Variants in XPA observed in about 807,000 individuals in gnomAD.
XPA encodes DNA repair protein complementing XP-A cells.
A neutral mutation model predicts 35.7 loss-of-function variants in XPA; 27 were observed. The observed-to-expected ratio is 0.76, with a 90% confidence interval of 0.56 to 1.04. The LOEUF is 1.04. Ranked by LOEUF, XPA falls within the 50% of genes least tolerant of loss-of-function variation. The pLI is 0.00. For synonymous variants in XPA, 133 were observed against 118.4 expected, an observed-to-expected ratio of 1.12 and a Z score of -0.80; for missense variants, 354 against 342.7, an observed-to-expected ratio of 1.03 and a Z score of -0.26.
intron 2 of XPA, among the ~76,000 whole-genome samples, chr9:97,692,715 C>T (rs959200692): frequency 1.2e-4 from 19 of 152,200 alleles, no homozygotes; most frequent in African/African-American, 3.9e-4. Flanking sequence ...CTCCCTTTTA[C>T]ATTTACCACT....
chr9:97,675,608 T>G, intron 5 of XPA, 21 bp from the exon 6 acceptor site: 1 of 1,613,872 alleles, frequency 6.2e-7, no homozygotes, highest in Non-Finnish European at 8.5e-7. Context: ...AATTTTAAAG[T>G]CATCTTTTCA....
At chr9:97,669,188 G>C in the XPA span, among the ~76,000 whole-genome samples, 1 of 151,928 alleles carries the variant, frequency 6.6e-6, no homozygotes, top group African/African-American at 2.4e-5. Flanking sequence ...ATTCTCGCAT[G>C]AGCATTTCTC....
the XPA span, chr9:97,655,609 G>A: frequency 2.3e-5 from 22 of 947,356 alleles, 1 homozygote; most frequent in South Asian, 3.5e-5. Flanking sequence ...CTGTAAAGTC[G>A]GGTTTTATCT....
chr9:97,668,508 A>G, the XPA span, among the ~76,000 whole-genome samples: 1 of 152,188 alleles, frequency 6.6e-6, no homozygotes, highest in Non-Finnish European at 1.5e-5. Context: ...CCATTAGCAG[A>G]TGAATGATTA....
the XPA span, among the ~76,000 whole-genome samples, chr9:97,660,766 C>T: frequency 6.6e-6 from 1 of 152,058 alleles, no homozygotes; most frequent in African/African-American, 2.4e-5. Context: ...AACCATTAAC[C>T]TATTAGAAAA....
At chr9:97,666,187 C>T in the XPA span, among the ~76,000 whole-genome samples, 1 of 152,136 alleles carries the variant, frequency 6.6e-6, no homozygotes, top group Admixed American at 6.5e-5. Context: ...ACAAACATTT[C>T]AAAGCACCTA....
the XPA span, chr9:97,664,327 T>C: frequency 6.5e-7 from 1 of 1,531,542 alleles, no homozygotes; most frequent in East Asian, 2.3e-5. Flanking sequence ...CTTGAATAAT[T>C]CTCTCATTGT....
chr9:97,668,128 C>A, the XPA span, among the ~76,000 whole-genome samples: 1 of 152,144 alleles, frequency 6.6e-6, no homozygotes, highest in Non-Finnish European at 1.5e-5. Context: ...TTCAGTGATG[C>A]CACCTTCTTG....
chr9:97,670,048 A>AAG, downstream of XPA: 14 of 360,810 alleles, frequency 3.9e-5, no homozygotes, highest in Non-Finnish European at 5.4e-5. Context: ...TCAGCCTCCC[A>AAG]TATTGCTGGG....
intron 5 of XPA, among the ~76,000 whole-genome samples, chr9:97,676,568 A>G (rs1335595948): frequency 6.6e-6 from 1 of 152,086 alleles, no homozygotes; most frequent in African/African-American, 2.4e-5. Context: ...TTTTAGATCT[A>G]TAAGTAGTAT....
At chr9:97,663,230 GCATT>G in the XPA span, among the ~76,000 whole-genome samples, 2 of 152,112 alleles carry the variant, frequency 1.3e-5, no homozygotes, top group Admixed American at 6.6e-5. Context: ...GAAAGAGTAA[GCATT>G]ATTATGATTT....
the XPA span, among the ~76,000 whole-genome samples, chr9:97,665,968 C>T: frequency 2.0e-5 from 3 of 152,138 alleles, no homozygotes; most frequent in Admixed American, 6.5e-5. Context: ...AGGTCATCTT[C>T]ATTATCTTCA....
the XPA span, among the ~76,000 whole-genome samples, chr9:97,658,310 T>G: frequency 9.2e-5 from 14 of 152,226 alleles, no homozygotes; most frequent in Non-Finnish European, 1.6e-4. Context: ...GCTTCCATTA[T>G]CCTCAATATT....
chr9:97,658,306 A>G, the XPA span, among the ~76,000 whole-genome samples: 127 of 152,270 alleles, frequency 8.3e-4, no homozygotes, highest in African/African-American at 2.8e-3. Context: ...CTTGGCTTCC[A>G]TTATCCTCAA....
the XPA span, among the ~76,000 whole-genome samples, chr9:97,660,789 C>T: frequency 1.4e-4 from 21 of 152,110 alleles, no homozygotes; most frequent in Non-Finnish European, 2.2e-4. Context: ...CTTTCACATA[C>T]GGTATTTATA....
At chr9:97,659,464 T>C in the XPA span, among the ~76,000 whole-genome samples, 1 of 152,356 alleles carries the variant, frequency 6.6e-6, no homozygotes, top group Non-Finnish European at 1.5e-5. Flanking sequence ...CCTGTTTTCC[T>C]TGAAATGAAC....
downstream of XPA, chr9:97,672,965 A>G (rs1187722291): frequency 6.6e-6 from 1 of 152,280 alleles, no homozygotes; most frequent in East Asian, 1.9e-4. Flanking sequence ...TGTCTCTACT[A>G]AAAACACAAA....
the XPA span, among the ~76,000 whole-genome samples, chr9:97,665,093 T>C: frequency 6.6e-6 from 1 of 152,228 alleles, no homozygotes; most frequent in Non-Finnish European, 1.5e-5. Context: ...AGCAAATTAC[T>C]TGTAAAAACA....
At chr9:97,680,109 A>G (rs1828491151) in intron 5 of XPA, among the ~76,000 whole-genome samples, 1 of 152,188 alleles carries the variant, frequency 6.6e-6, no homozygotes, top group Admixed American at 6.5e-5. Context: ...GGACACCAAA[A>G]CAACTGGAGA....
Sources: gnomAD v4.1 joint callset for allele counts (sites outside exome capture counted in the v4.1 genomes callset) on GRCh38, gnomAD v4.1.1 for gene constraint, MANE v1.5 for transcripts, NCBI Gene and HGNC (gene_info 2026-07-23, HGNC 2026-07-21) for gene names.